The following WWOX variants were observed in gnomAD, a reference collection of about 807,000 sequenced individuals.
The protein encoded by WWOX is WW domain-containing oxidoreductase.
Under a neutral mutation model 46.2 loss-of-function variants are expected in WWOX, and 69 were observed. The observed-to-expected ratio is 1.49, with a 90% CI of 1.23 to 1.82. WWOX has a LOEUF of 1.82. Ranked by LOEUF, WWOX falls within the 40% of genes most tolerant of loss-of-function variation. The pLI is 0.00. For missense variants in WWOX, 919 were observed against 542.6 expected (o/e 1.69, Z -6.89); for synonymous variants, 359 against 202.6 (o/e 1.77, Z -6.56).
At chr16:79,147,681 A>G (rs555810791) in intron 8 of WWOX, among the ~76,000 whole-genome samples, 7 of 152,352 alleles carry the variant, frequency 4.6e-5, no homozygotes, top group African/African-American at 1.7e-4. Context: ...AGCTGTTTCC[A>G]TGCTATTTTA....
intron 8 of WWOX, among the ~76,000 whole-genome samples, chr16:78,963,329 C>T (rs1187116039): frequency 6.6e-6 from 1 of 152,000 alleles, no homozygotes; most frequent in Admixed American, 6.6e-5. Flanking sequence ...ATTAGCTGCC[C>T]ATGGTGGTGT....
rs78309153 is a variant in WWOX, at chr16:78,308,365, G to T, written c.517-78495G>T. On this transcript the variant is annotated intron_variant, in intron 5 of 8. Transcript: ENST00000566780. ...GTTCAGGCAGTGATGGGAAGAGGGG[G>T]TTGGATATGACTCATTATACCCTTC... 5.9e-3 allele frequency among the ~76,000 whole-genome samples: 894 copies of T among 152,266 alleles called. 17 individuals carry two copies. In the East Asian group the frequency reaches 0.064, roughly 11 times the overall value.
rs533496738 is a variant in WWOX, at chr16:79,059,801, G to A, written c.1057-151807G>A. 1.6e-4 allele frequency among the ~76,000 whole-genome samples: 24 copies of A among 152,280 alleles called. No homozygotes were observed. The South Asian group carries it at 3.5e-3, about 22-fold the overall frequency. On this transcript the variant is annotated intron_variant, in intron 8 of 8. Transcript: ENST00000566780. ...GTTGTTCTGCTAATTATCCTACCAC[G>A]TGTGTCAGAGACAACATTACCCTCT...
intron 8 of WWOX, among the ~76,000 whole-genome samples, chr16:79,051,856 C>G (rs974230198): frequency 6.6e-6 from 1 of 152,190 alleles, no homozygotes; most frequent in Admixed American, 6.5e-5. Flanking sequence ...ATGTTCTTAG[C>G]TCCCACAGTT....
At chr16:78,798,550 T>A (rs2050802879) in intron 8 of WWOX, among the ~76,000 whole-genome samples, 1 of 151,684 alleles carries the variant, frequency 6.6e-6, no homozygotes, top group Admixed American at 6.6e-5. Flanking sequence ...AGCTTAGCTA[T>A]GCAATATATT....
At chr16:78,494,293 C>T (rs1344035134) in intron 8 of WWOX, among the ~76,000 whole-genome samples, 1 of 152,190 alleles carries the variant, frequency 6.6e-6, no homozygotes, top group Non-Finnish European at 1.5e-5. Context: ...ATGCAGCACA[C>T]ACCTTTGTGA....
At chr16:79,136,174 C>T (rs368510118) in intron 8 of WWOX, among the ~76,000 whole-genome samples, 10 of 151,956 alleles carry the variant, frequency 6.6e-5, no homozygotes, top group East Asian at 3.9e-4. Flanking sequence ...TACCTGAAAG[C>T]GTCCAGGTGA....
At chr16:78,291,266 C>T (rs924802798) in intron 5 of WWOX, among the ~76,000 whole-genome samples, 7 of 152,102 alleles carry the variant, frequency 4.6e-5, no homozygotes, top group Admixed American at 2.6e-4. Context: ...TCTTTTGACT[C>T]GATGTGTATT....
intron 8 of WWOX, among the ~76,000 whole-genome samples, chr16:79,208,635 T>TAAAAAAA (rs1190758034): frequency 4.0e-5 from 6 of 151,788 alleles, no homozygotes; most frequent in Non-Finnish European, 8.8e-5. Context: ...CTTTAAATTT[T>TAAAAAAA]TTTTTTAATC....
intron 8 of WWOX, among the ~76,000 whole-genome samples, chr16:78,531,326 T>G (rs887688065): frequency 6.6e-6 from 1 of 152,164 alleles, no homozygotes; most frequent in Non-Finnish European, 1.5e-5. Flanking sequence ...TGTTTTTCCT[T>G]AGGATGAGAA....
intron 8 of WWOX, among the ~76,000 whole-genome samples, chr16:79,180,663 C>G (rs1264263625): frequency 7.3e-6 from 1 of 137,624 alleles, no homozygotes; most frequent in African/African-American, 3.6e-5. Context: ...TCTTCTTTCT[C>G]TCTCTTCTCT....
intron 8 of WWOX, among the ~76,000 whole-genome samples, chr16:78,468,051 T>C (rs2084123677): frequency 6.6e-6 from 1 of 152,158 alleles, no homozygotes; most frequent in Non-Finnish European, 1.5e-5. Context: ...CTCTCTGCTC[T>C]TTTCCAAGCC....
At chr16:78,378,385 T>G (rs904205751) in intron 5 of WWOX, among the ~76,000 whole-genome samples, 1 of 152,128 alleles carries the variant, frequency 6.6e-6, no homozygotes, top group African/African-American at 2.4e-5. Context: ...ATGGTGCTGT[T>G]TCAGGTTTGA....
At chr16:78,113,352 G>T (rs1253520679) in intron 3 of WWOX, among the ~76,000 whole-genome samples, 1 of 152,194 alleles carries the variant, frequency 6.6e-6, no homozygotes, top group East Asian at 1.9e-4. Context: ...ATATGTTTTA[G>T]GATTTGCAGG....
intron 5 of WWOX, among the ~76,000 whole-genome samples, chr16:78,312,529 C>T (rs1246874289): frequency 6.6e-6 from 1 of 152,046 alleles, no homozygotes; most frequent in Non-Finnish European, 1.5e-5. Context: ...TGCCTGCCAC[C>T]ATGCCCAGCT....
chr16:78,532,160 G>C (rs2043638853), intron 8 of WWOX, among the ~76,000 whole-genome samples: 1 of 151,938 alleles, frequency 6.6e-6, no homozygotes. Flanking sequence ...ACATTCAGCA[G>C]TCTGCCTTTC....
Position 78,339,412 on chromosome 16 carries a change from AG to A in WWOX, c.517-47447del, listed in dbSNP as rs2080965220. On this transcript the variant is annotated intron_variant, in intron 5 of 8. Coordinates refer to ENST00000566780, the MANE Select transcript of WWOX (RefSeq NM_016373.4). ...CCCCTGGAGCCTTTGTACCTTCTGC[AG>A]TTTGGGGTTGTTGTCCTTTTTGCTT... 1.7e-5 allele frequency among the ~76,000 whole-genome samples: 2 copies of A among 115,034 alleles called. 1 individual carries two copies. The highest frequency in any genetic ancestry group is 1.7e-4 in the Admixed American group (2 of 11,604). The allele number at this position is 115,034 out of a possible 152,430, so 75.5% of individuals were successfully genotyped here.
chr16:79,171,309 A>C (rs1266259482), intron 8 of WWOX, among the ~76,000 whole-genome samples: 1 of 152,246 alleles, frequency 6.6e-6, no homozygotes, highest in African/African-American at 2.4e-5. Context: ...CATATCTAAT[A>C]ACATGATTAC....
chr16:79,028,627 G>T (rs1252925873), intron 8 of WWOX, among the ~76,000 whole-genome samples: 1 of 150,964 alleles, frequency 6.6e-6, no homozygotes, highest in African/African-American at 2.5e-5. Flanking sequence ...CTGAATTAGG[G>T]TATGTTTTGG....
Sources: gnomAD v4.1 joint callset for allele counts (sites outside exome capture counted in the v4.1 genomes callset) on GRCh38, gnomAD v4.1.1 for gene constraint, MANE v1.5 for transcripts, NCBI Gene and HGNC (gene_info 2026-07-23, HGNC 2026-07-21) for gene names.